TBL1XR1: variants seen among roughly 807,000 people sequenced by gnomAD.
The protein encoded by TBL1XR1 is F-box-like/WD repeat-containing protein TBL1XR1.
A neutral mutation model predicts 66.9 loss-of-function variants in TBL1XR1; 5 were observed. The observed-to-expected ratio is 0.07, with a 90% confidence interval of 0.04 to 0.16. TBL1XR1 has a LOEUF of 0.16. Ranked by LOEUF, TBL1XR1 falls within the 10% of genes least tolerant of loss-of-function variation. TBL1XR1 has a pLI of 1.00. For synonymous variants in TBL1XR1, 210 were observed against 206.0 expected (o/e 1.02, Z -0.17); for missense variants, 238 against 623.2 (o/e 0.38, Z 6.58).
At chr3:177,043,905 G>A (rs2108463076) in intron 10 of TBL1XR1, among the ~76,000 whole-genome samples, 1 of 152,114 alleles carries the variant, frequency 6.6e-6, no homozygotes, top group Non-Finnish European at 1.5e-5. Context: ...CATCTACCTT[G>A]AGGTGATAAT....
rs1413351963 is a variant in TBL1XR1 at position 177,019,901 on chromosome 3, AATAAAAC to A, written c.*5590_*5596del. The A allele has an allele frequency of 2.0e-5, 3 of 152,192 alleles. No homozygotes were observed. In the East Asian group the frequency reaches 5.8e-4, roughly 29 times the overall value. 9.4% of individuals were successfully genotyped at this position (152,192 alleles called of 1,614,324 possible). On this transcript the variant is annotated 3_prime_UTR_variant, in exon 16 of 16. Coordinates refer to ENST00000457928, the MANE Select transcript of TBL1XR1 (RefSeq NM_024665.7). ...CTAGCAACTGCAGTGGCTTATTTCT[AATAAAAC>A]ATAAAACTATGCTTGAATTTATTTC... is the stretch of plus-strand genomic sequence containing the variant.
intron 1 of TBL1XR1, among the ~76,000 whole-genome samples, chr3:177,137,129 TG>T (rs373454817): frequency 0.069 from 10,486 of 151,898 alleles, 530 homozygotes; most frequent in Admixed American, 0.17. Flanking sequence ...TAAAATGTTA[TG>T]GGGGGGGAAA....
At chr3:177,055,470 G>A (rs995448048) in intron 3 of TBL1XR1, among the ~76,000 whole-genome samples, 6 of 140,372 alleles carry the variant, frequency 4.3e-5, no homozygotes, top group African/African-American at 1.6e-4. Context: ...TTGCCCATAA[G>A]CAAGATCATA....
intron 2 of TBL1XR1, among the ~76,000 whole-genome samples, chr3:177,097,337 A>C (rs914724828): frequency 3.9e-5 from 6 of 152,234 alleles, no homozygotes; most frequent in African/African-American, 1.4e-4. Context: ...CTATTTATTT[A>C]TCCCCAAAAT....
chr3:177,199,259 A>C (rs1737288442), upstream of TBL1XR1, among the ~76,000 whole-genome samples: 1 of 152,244 alleles, frequency 6.6e-6, no homozygotes, highest in African/African-American at 2.4e-5. Flanking sequence ...GTGTACAGGG[A>C]AACCGCACAA....
intron 12 of TBL1XR1, chr3:177,037,447 T>A (rs1384482924): frequency 6.6e-6 from 1 of 152,244 alleles, no homozygotes; most frequent in Non-Finnish European, 1.5e-5. Flanking sequence ...TGTTCCCAGT[T>A]GAGACAGGCA....
chr3:177,184,992 C>T (rs1735239272), intron 1 of TBL1XR1, among the ~76,000 whole-genome samples: 1 of 152,192 alleles, frequency 6.6e-6, no homozygotes, highest in South Asian at 2.1e-4. Context: ...AAATTAACAT[C>T]ATTTTCCCCC....
chr3:177,192,985 T>C (rs1213651625), intron 1 of TBL1XR1, among the ~76,000 whole-genome samples: 1 of 151,792 alleles, frequency 6.6e-6, no homozygotes, highest in Non-Finnish European at 1.5e-5. Flanking sequence ...AAACCCCATC[T>C]CTACTAAAAA....
intron 1 of TBL1XR1, among the ~76,000 whole-genome samples, chr3:177,103,321 A>G (rs931099357): frequency 2.0e-5 from 3 of 152,266 alleles, no homozygotes; most frequent in Non-Finnish European, 2.9e-5. Context: ...TGTACTACAT[A>G]AACTAAATAT....
At chr3:177,089,526 G>A (rs1201284) in intron 2 of TBL1XR1, among the ~76,000 whole-genome samples, 22,421 of 152,138 alleles carry the variant, frequency 0.15, 1,906 homozygotes, top group South Asian at 0.38. Flanking sequence ...TCAGGCAGTC[G>A]GTATCAGCCT....
rs150001812 is a variant in TBL1XR1, at chr3:177,136,986, C to T, written c.-121-38445G>A. ...CTCAAAAAAGATGACCTCACTCACA[C>T]GTATAACCTTATATACAGAAAAAGC... On this transcript the variant is annotated intron_variant, in intron 1 of 15. Transcript: ENST00000457928. 2.1e-4 allele frequency among the ~76,000 whole-genome samples: 32 copies of T among 152,300 alleles called. 1 individual carries two copies. The East Asian group carries it at 6.2e-3, about 29-fold the overall frequency.
chr3:177,194,977 G>A (rs1736645532), intron 1 of TBL1XR1, among the ~76,000 whole-genome samples: 1 of 151,952 alleles, frequency 6.6e-6, no homozygotes, highest in East Asian at 1.9e-4. Flanking sequence ...ATAAACTGAC[G>A]GTGAGCTTTG....
intron 2 of TBL1XR1, among the ~76,000 whole-genome samples, chr3:177,086,110 C>T (rs1200111923): frequency 6.6e-6 from 1 of 150,740 alleles, no homozygotes. Context: ...GATATTAGCA[C>T]TAGCCAAGTC....
Position 177,123,008 on chromosome 3 carries a change from C to T in TBL1XR1, c.-121-24467G>A, listed in dbSNP as rs543625811. On this transcript the variant is annotated intron_variant, in intron 1 of 15. Transcript: ENST00000457928. Reference sequence around the variant, plus strand: ...AACATCATGAGCAATATTCTCCCCACATTTTGTCTTGTGTCGCACACATGT... The same window carrying T: ...AACATCATGAGCAATATTCTCCCCATATTTTGTCTTGTGTCGCACACATGT... 3.3e-5 allele frequency among the ~76,000 whole-genome samples: 5 copies of T among 152,224 alleles called. No homozygotes were observed. In the East Asian group the frequency reaches 7.7e-4, roughly 23 times the overall value.
intron 14 of TBL1XR1, among the ~76,000 whole-genome samples, chr3:177,031,832 C>T (rs1397766516): frequency 6.6e-6 from 1 of 151,670 alleles, no homozygotes; most frequent in African/African-American, 2.4e-5. Flanking sequence ...GCTTAATAAT[C>T]ATTTGTTCAA....
chr3:177,109,208 C>T (rs1010534025), intron 1 of TBL1XR1, among the ~76,000 whole-genome samples: 3 of 152,004 alleles, frequency 2.0e-5, no homozygotes, highest in South Asian at 2.1e-4. Context: ...CAATTTCATA[C>T]CTTTTCCCAA....
At chr3:177,194,897 G>T (rs945905134) in intron 1 of TBL1XR1, among the ~76,000 whole-genome samples, 2 of 152,140 alleles carry the variant, frequency 1.3e-5, no homozygotes. Flanking sequence ...TCTGCAAGGG[G>T]TCACTCCATT....
chr3:177,019,739 A>T lies in TBL1XR1; in HGVS notation c.*5759T>A, dbSNP rs531689512. The T allele has an allele frequency of 8.5e-5, 13 of 152,320 alleles. No individual in the cohort carries two copies. Among genetic ancestry groups the T allele is most frequent in the African/African-American group, 3.1e-4 (13 of 41,590 alleles). The allele number at this position is 152,320 out of a possible 1,614,324, so 9.4% of individuals were successfully genotyped here. ...TTCTATTACTGTTCAAATTAGTTTC[A>T]GCTTTCCCTCAAGCTTATAAGGATT... On this transcript the variant is annotated 3_prime_UTR_variant, in exon 16 of 16. Transcript: ENST00000457928.
At chr3:177,053,987 A>T (rs989905758) in intron 3 of TBL1XR1, 69 bp from the exon 4 acceptor site, 10 of 1,479,722 alleles carry the variant, frequency 6.8e-6, no homozygotes, top group Admixed American at 2.0e-5. Flanking sequence ...CACAGAAAGA[A>T]AGATCACCAT....
Sources: allele counts gnomAD v4.1 joint callset (sites outside exome capture counted in the v4.1 genomes callset), GRCh38; gene constraint gnomAD v4.1.1; transcripts MANE v1.5; gene names NCBI Gene and HGNC (gene_info 2026-07-23, HGNC 2026-07-21).